Variants in EXOC6B observed in about 807,000 individuals in gnomAD.
The protein encoded by EXOC6B is exocyst complex component 6B.
In EXOC6B, 54 loss-of-function variants were observed where a neutral mutation model predicts 113.5. That is an observed-to-expected ratio of 0.48 (90% CI 0.38 to 0.60). EXOC6B has a LOEUF of 0.60. Ranked by LOEUF, EXOC6B falls within the 20% of genes least tolerant of loss-of-function variation. The pLI, the probability that EXOC6B is intolerant of heterozygous loss-of-function variation, is 0.00. For synonymous variants in EXOC6B, 357 were observed against 339.0 expected (o/e 1.05, Z -0.58); for missense variants, 797 against 977.5 (o/e 0.82, Z 2.46).
Position 72,583,234 on chromosome 2 carries a change from GC to G in EXOC6B, c.670-7567del, listed in dbSNP as rs1573437297. Among the ~76,000 whole-genome samples the G allele has an allele frequency of 3.9e-5, 6 of 152,190 alleles. No individual in the cohort carries two copies. The East Asian group carries it at 1.2e-3, about 29-fold the overall frequency. ...AAACAACCAAACCTATGAATTACTGGCATTCCTAAGAGTGAAGAAGAAAAAG... is the reference window on the plus strand; with the variant it reads ...AAACAACCAAACCTATGAATTACTGGATTCCTAAGAGTGAAGAAGAAAAAG... On this transcript the variant is annotated intron_variant, in intron 6 of 21. Transcript: ENST00000272427.
chr2:72,467,994 C>A (rs974916218), intron 17 of EXOC6B, among the ~76,000 whole-genome samples: 10 of 152,152 alleles, frequency 6.6e-5, no homozygotes, highest in African/African-American at 2.2e-4. Context: ...TGGTCTCGAA[C>A]TCTTGACCTC....
intron 19 of EXOC6B, among the ~76,000 whole-genome samples, chr2:72,372,183 T>G (rs1169286796): frequency 3.3e-5 from 5 of 152,098 alleles, no homozygotes; most frequent in Admixed American, 1.3e-4. Context: ...CACAAAAAAA[T>G]GCAAAGACAT....
intron 18 of EXOC6B, among the ~76,000 whole-genome samples, chr2:72,420,536 C>T (rs960881608): frequency 3.3e-5 from 5 of 152,046 alleles, no homozygotes; most frequent in African/African-American, 9.7e-5. Flanking sequence ...TGGCTTTTAC[C>T]TTCATCCATG....
intron 19 of EXOC6B, among the ~76,000 whole-genome samples, chr2:72,371,857 G>T (rs535075049): frequency 1.0e-3 from 158 of 152,034 alleles, no homozygotes; most frequent in African/African-American, 3.7e-3. Flanking sequence ...AAGAAAAAAG[G>T]GTCATCCAAC....
At chr2:72,626,278 C>T (rs1672044216) in intron 6 of EXOC6B, among the ~76,000 whole-genome samples, 1 of 152,026 alleles carries the variant, frequency 6.6e-6, no homozygotes, top group Admixed American at 6.6e-5. Flanking sequence ...AGAGAAAAAA[C>T]ACTGTCTAAC....
chr2:72,454,237 C>T (rs1466510675), intron 18 of EXOC6B, among the ~76,000 whole-genome samples: 2 of 152,124 alleles, frequency 1.3e-5, no homozygotes. Context: ...GGTGCAGTGG[C>T]TCATGCTTAT....
chr2:72,185,561 T>A (rs1385083003), intron 20 of EXOC6B, among the ~76,000 whole-genome samples: 1 of 152,168 alleles, frequency 6.6e-6, no homozygotes, highest in East Asian at 1.9e-4. Context: ...ACAGGCACAC[T>A]GGTTGGTCTG....
chr2:72,287,315 C>T (rs543734740), intron 20 of EXOC6B, among the ~76,000 whole-genome samples: 137 of 151,448 alleles, frequency 9.0e-4, no homozygotes, highest in African/African-American at 3.2e-3. Flanking sequence ...CCTGTAGTCC[C>T]AGCTACTAGG....
intron 20 of EXOC6B, among the ~76,000 whole-genome samples, chr2:72,247,681 T>C (rs1401889114): frequency 6.6e-6 from 1 of 152,184 alleles, no homozygotes; most frequent in East Asian, 1.9e-4. Flanking sequence ...AACTCCCAGC[T>C]CCTTTTCTAC....
chr2:72,489,201 C>A (rs1188249783), intron 16 of EXOC6B, among the ~76,000 whole-genome samples: 1 of 152,158 alleles, frequency 6.6e-6, no homozygotes, highest in Admixed American at 6.5e-5. Flanking sequence ...CATTCACTAC[C>A]TTTAACCATA....
chr2:72,509,338 C>G (rs1431804622), intron 11 of EXOC6B, among the ~76,000 whole-genome samples: 2 of 152,130 alleles, frequency 1.3e-5, no homozygotes, highest in Non-Finnish European at 2.9e-5. Flanking sequence ...TATTTCCTTA[C>G]AGTAGCCTGA....
chr2:72,663,334 A>G (rs986503234), intron 6 of EXOC6B, among the ~76,000 whole-genome samples: 1 of 152,242 alleles, frequency 6.6e-6, no homozygotes, highest in Admixed American at 6.5e-5. Context: ...CTATGGTGAC[A>G]GAGAACAGAT....
At chr2:72,770,773 T>C (rs1683366744) in intron 1 of EXOC6B, among the ~76,000 whole-genome samples, 1 of 152,150 alleles carries the variant, frequency 6.6e-6, no homozygotes, top group South Asian at 2.1e-4. Flanking sequence ...CAAGTTAAGT[T>C]TCATTGTTGC....
chr2:72,468,992 C>A (rs1698229537), intron 17 of EXOC6B, among the ~76,000 whole-genome samples: 1 of 152,090 alleles, frequency 6.6e-6, no homozygotes, highest in African/African-American at 2.4e-5. Flanking sequence ...GCAGCAAGTA[C>A]ACTGCCTCTG....
intron 8 of EXOC6B, among the ~76,000 whole-genome samples, chr2:72,551,934 A>G (rs1465050986): frequency 6.6e-6 from 1 of 152,236 alleles, no homozygotes; most frequent in Non-Finnish European, 1.5e-5. Context: ...ATTAACTTTT[A>G]TACATCCTTG....
At chr2:72,780,067 C>T (rs956083651) in intron 1 of EXOC6B, among the ~76,000 whole-genome samples, 20 of 152,148 alleles carry the variant, frequency 1.3e-4, no homozygotes, top group Admixed American at 1.2e-3. Context: ...AGTTAATTCA[C>T]ACTGAGTTTC....
intron 2 of EXOC6B, among the ~76,000 whole-genome samples, chr2:72,735,373 T>C (rs993226446): frequency 2.6e-5 from 4 of 152,236 alleles, no homozygotes; most frequent in African/African-American, 9.6e-5. Flanking sequence ...GTACATGTAA[T>C]GCACTCTCTT....
intron 1 of EXOC6B, among the ~76,000 whole-genome samples, chr2:72,770,843 C>T (rs1409234680): frequency 4.0e-5 from 6 of 151,770 alleles, no homozygotes; most frequent in Non-Finnish European, 5.9e-5. Flanking sequence ...ACTGAGGATG[C>T]AATACAAAGG....
intron 18 of EXOC6B, among the ~76,000 whole-genome samples, chr2:72,389,120 C>G (rs1162685052): frequency 6.6e-6 from 1 of 152,000 alleles, no homozygotes; most frequent in Non-Finnish European, 1.5e-5. Context: ...TTTGTCTAAT[C>G]TGCTCTGTTT....
Sources: gnomAD v4.1 joint callset for allele counts (sites outside exome capture counted in the v4.1 genomes callset) on GRCh38, gnomAD v4.1.1 for gene constraint, MANE v1.5 for transcripts, NCBI Gene and HGNC (gene_info 2026-07-23, HGNC 2026-07-21) for gene names.